Variants in IQUB observed in about 807,000 individuals in gnomAD.
IQUB encodes IQ motif and ubiquitin domain containing.
IQUB carries 86 observed loss-of-function variants against 86.4 expected under a neutral mutation model. The observed-to-expected ratio is 1.00, with a 90% CI of 0.84 to 1.19. IQUB has a LOEUF of 1.19. Among genes scored for constraint, IQUB ranks in the 50% most tolerant of loss-of-function variants. The probability of loss-of-function intolerance (pLI) is 0.00; values close to 1 mark genes in which losing one functional copy is unlikely to be tolerated. For synonymous variants in IQUB, 289 were observed against 304.5 expected (o/e 0.95, Z 0.53); for missense variants, 946 against 916.9 (o/e 1.03, Z -0.41).
At chr7:123,482,152 T>C (rs1428380024) in intron 7 of IQUB, among the ~76,000 whole-genome samples, 34 of 152,074 alleles carry the variant, frequency 2.2e-4, no homozygotes, top group Admixed American at 2.2e-3. Context: ...CATGAATGTT[T>C]ATACAGGAAA....
chr7:123,517,905 C>A (rs1403670345), intron 1 of IQUB, among the ~76,000 whole-genome samples: 3 of 152,152 alleles, frequency 2.0e-5, no homozygotes, highest in Non-Finnish European at 4.4e-5. Context: ...TTAACAGACA[C>A]AACACTTAAA....
At chr7:123,513,472 G>A (rs1420838385) in intron 1 of IQUB, among the ~76,000 whole-genome samples, 1 of 152,134 alleles carries the variant, frequency 6.6e-6, no homozygotes, top group Non-Finnish European at 1.5e-5. Context: ...GAATGATTTT[G>A]TATTGTGAAA....
At chr7:123,518,517 C>G (rs768972338) in intron 1 of IQUB, among the ~76,000 whole-genome samples, 23 of 152,178 alleles carry the variant, frequency 1.5e-4, no homozygotes, top group Non-Finnish European at 2.9e-4. Flanking sequence ...ATCTTCTAAA[C>G]AACCCCACCT....
In IQUB at chr7:123,461,340, C is replaced by T; in HGVS notation, c.2007+17G>A. On this transcript the variant is annotated intron_variant, in intron 11 of 12. Coordinates refer to ENST00000324698, the MANE Select transcript of IQUB (RefSeq NM_178827.5). ...TGACAAGCTTCAGCTATAATTGGCACCCCTTATTGACCATACCTGCATCAA... is the reference window on the plus strand; with the variant it reads ...TGACAAGCTTCAGCTATAATTGGCATCCCTTATTGACCATACCTGCATCAA... The T allele has an allele frequency of 6.3e-7, 1 of 1,584,272 alleles. No homozygotes were observed. The highest frequency in any genetic ancestry group is 8.6e-7 in the Non-Finnish European group (1 of 1,161,680).
chr7:123,462,015 TCTC>T (rs756700405), intron 10 of IQUB, among the ~76,000 whole-genome samples: 94 of 151,854 alleles, frequency 6.2e-4, no homozygotes, highest in Non-Finnish European at 1.0e-3. Flanking sequence ...CAATTGTTCT[TCTC>T]GTTTAATTTA....
rs1794211612 is a variant in IQUB, at chr7:123,465,529, T to A, written c.1582-520A>T. Among the ~76,000 whole-genome samples, 3 of 152,136 alleles carry A rather than the reference T, an allele frequency of 2.0e-5. No homozygotes were observed. The South Asian group carries it at 6.2e-4, about 32-fold the overall frequency. ...TATTTTATTCACTTTTCTGTCTATT[T>A]ATTATAGGTCACAATATTTTTTATA... On this transcript the variant is annotated intron_variant, in intron 9 of 12. Transcript: ENST00000324698.
intron 8 of IQUB, among the ~76,000 whole-genome samples, chr7:123,472,053 C>T (rs1471111661): frequency 1.3e-5 from 2 of 151,934 alleles, no homozygotes; most frequent in East Asian, 1.9e-4. Flanking sequence ...GCCTGGCCAA[C>T]ACGGTGATAA....
At chr7:123,507,035 T>C (rs1205777800) in intron 3 of IQUB, among the ~76,000 whole-genome samples, 1 of 152,238 alleles carries the variant, frequency 6.6e-6, no homozygotes, top group East Asian at 1.9e-4. Context: ...GGAAACTTTA[T>C]TGATGGAATC....
chr7:123,512,945 G>C (rs1796489466), intron 1 of IQUB, among the ~76,000 whole-genome samples: 1 of 152,136 alleles, frequency 6.6e-6, no homozygotes, highest in African/African-American at 2.4e-5. Context: ...AAAAGCTTGG[G>C]CCAGGATAGT....
chr7:123,460,847 C>A (rs543538607), intron 11 of IQUB, among the ~76,000 whole-genome samples: 1 of 151,858 alleles, frequency 6.6e-6, no homozygotes, highest in African/African-American at 2.4e-5. Context: ...TTACGAGAAG[C>A]AGATTACGTA....
At chr7:123,474,290 T>C (rs1794659328) in intron 8 of IQUB, among the ~76,000 whole-genome samples, 2 of 152,228 alleles carry the variant, frequency 1.3e-5, no homozygotes, top group African/African-American at 2.4e-5. Context: ...GCACTGGTTG[T>C]TTGTTAATTT....
At chr7:123,487,030 G>A (rs916795828) in intron 7 of IQUB, among the ~76,000 whole-genome samples, 2 of 152,164 alleles carry the variant, frequency 1.3e-5, no homozygotes, top group African/African-American at 2.4e-5. Flanking sequence ...CTTCATGGGA[G>A]GTGACTGGAT....
At chr7:123,489,483 T>C (rs1035503366) in intron 7 of IQUB, among the ~76,000 whole-genome samples, 1 of 151,970 alleles carries the variant, frequency 6.6e-6, no homozygotes, top group South Asian at 2.1e-4. Flanking sequence ...GAAATTCAGA[T>C]AACAAAGTTA....
rs370004563 is a variant in IQUB, at chr7:123,496,858, C to T, written c.1072G>A (p.Val358Ile). Residue 358 changes from valine to isoleucine, a missense_variant, in exon 7 of 13, where the codon GTA becomes ATA. Transcript: ENST00000324698. ...YYRQWHAKIF[V>I]ENLRRQKSLR... ...CTTTTCTGTCTTCTTAAATTCTCTA[C>T]GAAGATTTTAGCATGCCATTGCCTG... 61 of 1,612,126 alleles carry T rather than the reference C, an allele frequency of 3.8e-5. No individual in the cohort carries two copies. In the African/African-American group the frequency reaches 4.1e-4, roughly 11 times the overall value.
At position 123,512,112 on chromosome 7, in the gene IQUB, G is replaced by C. The variant is rs371332386; in HGVS notation, c.229C>G (p.Gln77Glu). The change falls in exon 2 of 13, where the codon CAA becomes GAA. Residue 77 changes from glutamine (Q) to glutamate (E), a missense_variant. Gln to Glu is a conservative substitution (Grantham distance 29). Coordinates refer to ENST00000324698, the MANE Select transcript of IQUB (RefSeq NM_178827.5). ...SFSSLEPDNEQLMEEVISPRQ... is the reference protein window; with the variant it reads ...SFSSLEPDNEELMEEVISPRQ... ...GGTGATATAACCTCTTCCATGAGTT[G>C]TTCATTGTCTGGTTCCAGGCTTGAA... The C allele has an allele frequency of 6.2e-7, 1 of 1,613,894 alleles. No homozygotes were observed. Among genetic ancestry groups the C allele is most frequent in the African/African-American group, 1.3e-5 (1 of 74,906 alleles).
Position 123,509,883 on chromosome 7 carries a change from A to C in IQUB, c.532+18T>G, listed in dbSNP as rs763859221. The stretch of plus-strand genomic sequence containing the variant: ...AACTAGAAAAGTCTTGATATGTTTT[A>C]TTAGCCTCCAAACTTACCTGAGTAT... On this transcript the variant is annotated intron_variant, in intron 3 of 12. Transcript: ENST00000324698. 6.3e-7 allele frequency: 1 copy of C among 1,586,206 alleles called. No individual in the cohort carries two copies. Among genetic ancestry groups the C allele is most frequent in the Non-Finnish European group, 8.5e-7 (1 of 1,170,202 alleles).
chr7:123,459,088 G>A (rs1049392136), intron 11 of IQUB, among the ~76,000 whole-genome samples: 3 of 151,864 alleles, frequency 2.0e-5, no homozygotes. Flanking sequence ...CAAGGGGGGG[G>A]AAGCTACTGG....
intron 8 of IQUB, among the ~76,000 whole-genome samples, 175 bp from the exon 9 acceptor site, chr7:123,469,559 G>A (rs1563435056): frequency 6.6e-6 from 1 of 151,872 alleles, no homozygotes; most frequent in Non-Finnish European, 1.5e-5. Context: ...AAATATTTTA[G>A]AAAAAAACAA....
At chr7:123,458,762 C>G (rs1489335115) in intron 11 of IQUB, among the ~76,000 whole-genome samples, 5 of 151,922 alleles carry the variant, frequency 3.3e-5, no homozygotes, top group Non-Finnish European at 7.4e-5. Context: ...TTCTACCTTT[C>G]AAGTAGTCAT....
Sources: gnomAD v4.1 joint callset for allele counts (sites outside exome capture counted in the v4.1 genomes callset) on GRCh38, gnomAD v4.1.1 for gene constraint, MANE v1.5 for transcripts, NCBI Gene and HGNC (gene_info 2026-07-23, HGNC 2026-07-21) for gene names.